The following IQCH variants were observed in gnomAD, a reference collection of about 807,000 sequenced individuals.
IQCH encodes IQ domain-containing protein H.
Under a neutral mutation model 117.0 loss-of-function variants are expected in IQCH, and 98 were observed. The ratio of observed to expected loss-of-function variants is 0.84; its 90% confidence interval spans 0.71 to 0.99. IQCH has a LOEUF of 0.99. IQCH is among the 50% of genes least tolerant of loss of function. IQCH has a pLI of 0.00. For synonymous variants in IQCH, 412 were observed against 448.2 expected (o/e 0.92, Z 1.02); for missense variants, 1,102 against 1,243.8 (o/e 0.89, Z 1.72).
Position 67,400,250 on chromosome 15 carries a change from T to C in IQCH, c.2042T>C (p.Val681Ala). ...IPSYLKCYKWVLKESSRYGLE... is the reference protein window; with the variant it reads ...IPSYLKCYKWALKESSRYGLE... ...TCCTACCTAAAGTGCTACAAATGGG[T>C]GCTAAAGGAGAGTAGCAGATATGGC... The change falls in exon 14 of 21, where the codon GTG (valine) becomes GCG (alanine). Residue 681 changes from valine to alanine, a missense_variant. This residue lies in a region of IQCH where 650 missense variants were observed against 794.3 expected (regional missense o/e 0.82). Transcript: ENST00000335894. 1 of 1,613,686 alleles carries C rather than the reference T, an allele frequency of 6.2e-7. No homozygotes were observed. The highest frequency in any genetic ancestry group is 8.5e-7 in the Non-Finnish European group (1 of 1,179,752).
intron 1 of IQCH, among the ~76,000 whole-genome samples, chr15:67,260,399 T>G (rs1164051974): frequency 6.6e-6 from 1 of 152,212 alleles, no homozygotes. Flanking sequence ...TCCTTTTTCT[T>G]CAGGGATTAT....
At chr15:67,274,394 C>A (rs1260521638) in intron 3 of IQCH, among the ~76,000 whole-genome samples, 1 of 152,150 alleles carries the variant, frequency 6.6e-6, no homozygotes, top group Non-Finnish European at 1.5e-5. Context: ...TCTCAAATAG[C>A]CTGTCCTGAA....
intron 4 of IQCH, among the ~76,000 whole-genome samples, chr15:67,310,683 A>T (rs554741341): frequency 2.0e-5 from 3 of 152,256 alleles, no homozygotes; most frequent in African/African-American, 7.2e-5. Context: ...GCTTGATTTA[A>T]GTTTGGGTTG....
chr15:67,480,305 G>A (rs951509520), intron 18 of IQCH, among the ~76,000 whole-genome samples: 8 of 152,330 alleles, frequency 5.3e-5, no homozygotes, highest in African/African-American at 1.4e-4. Context: ...GCTTTGGCCA[G>A]TGAAATATAA....
intron 3 of IQCH, among the ~76,000 whole-genome samples, chr15:67,263,984 C>T (rs1473998685): frequency 6.6e-6 from 1 of 152,112 alleles, no homozygotes. Context: ...TATATATGCA[C>T]CCAGCATAAA....
rs971070152 is a variant in IQCH at position 67,381,418 on chromosome 15, C to T, written c.1373-3518C>T. On this transcript the variant is annotated intron_variant, in intron 10 of 20. Transcript: ENST00000335894. This position sits in a 1 kb window ranked among gnomAD's most constrained non-coding sequence, Gnocchi z 5.1. ...TCACAACTGCTTATTTGAGAAAAGA[C>T]GGAACTCTCTATCAAACTAGGAATA... is the stretch of plus-strand genomic sequence containing the variant. Among the ~76,000 whole-genome samples the T allele has an allele frequency of 3.3e-5, 5 of 152,090 alleles. No individual in the cohort carries two copies. Among genetic ancestry groups the T allele is most frequent in the East Asian group, 1.9e-4 (1 of 5,186 alleles).
In IQCH at chr15:67,411,626, T is replaced by C. The variant is rs1235933323; in HGVS notation, c.2098-5305T>C. On this transcript the variant is annotated intron_variant, in intron 14 of 20. Coordinates refer to ENST00000335894, the MANE Select transcript of IQCH (RefSeq NM_001031715.3). This position sits in a 1 kb window ranked among gnomAD's most constrained non-coding sequence, Gnocchi z 4.4. ...CACATGACCCAATTACACCAATGTG[T>C]GTCTGTATGTGTGTATGTGTGTGTA... Among the ~76,000 whole-genome samples, 1 of 138,884 alleles carries C rather than the reference T, an allele frequency of 7.2e-6. No individual in the cohort carries two copies. Among genetic ancestry groups the C allele is most frequent in the Admixed American group, 6.9e-5 (1 of 14,592 alleles). The allele number at this position is 138,884 out of a possible 152,430, so 91.1% of individuals were successfully genotyped here. A position where few individuals can be genotyped will look rare whatever the true frequency, so the allele number is the denominator to read the frequency against.
intron 16 of IQCH, among the ~76,000 whole-genome samples, chr15:67,423,587 C>CAA (rs551556730): frequency 1.8e-4 from 14 of 76,736 alleles, no homozygotes; most frequent in East Asian, 1.0e-3. Flanking sequence ...GAACCTGTCT[C>CAA]AAAAAAAAAA....
chr15:67,370,460 C>T lies in IQCH; in HGVS notation c.754-1651C>T, dbSNP rs1280682965. ...AATTCTAATTCCTAGTATCAGAGAC[C>T]GTTCCTGAAGGGAGGGAGCAATGTG... On this transcript the variant is annotated intron_variant, in intron 8 of 20. Coordinates refer to ENST00000335894, the MANE Select transcript of IQCH (RefSeq NM_001031715.3). This position sits in a 1 kb window ranked among gnomAD's most constrained non-coding sequence, Gnocchi z 5.6. 3.9e-5 allele frequency among the ~76,000 whole-genome samples: 6 copies of T among 152,134 alleles called. No individual in the cohort carries two copies. Among genetic ancestry groups the T allele is most frequent in the African/African-American group, 9.7e-5 (4 of 41,416 alleles).
Position 67,390,373 on chromosome 15 carries a change from C to T in IQCH, c.1632+1367C>T, listed in dbSNP as rs1188442161. 6.6e-6 allele frequency among the ~76,000 whole-genome samples: 1 copy of T among 152,124 alleles called. No individual in the cohort carries two copies. Among genetic ancestry groups the T allele is most frequent in the African/African-American group, 2.4e-5 (1 of 41,438 alleles). Reference sequence around the variant, plus strand: ...GCTGCTAACTGCTAGTAAGGAGTTTCTGCACATCTGAAATGCCCATATACA... The same window carrying T: ...GCTGCTAACTGCTAGTAAGGAGTTTTTGCACATCTGAAATGCCCATATACA... On this transcript the variant is annotated intron_variant, in intron 12 of 20. Transcript: ENST00000335894. This position sits in a 1 kb window ranked among gnomAD's most constrained non-coding sequence, Gnocchi z 5.0.
At chr15:67,336,917 G>A in intron 4 of IQCH, 58 bp from the exon 5 acceptor site, 1 of 1,559,900 alleles carries the variant, frequency 6.4e-7, no homozygotes, top group South Asian at 1.1e-5. Flanking sequence ...TTTACAAGAA[G>A]AAAACTGTTC....
In IQCH at chr15:67,285,869, T is replaced by C. The variant is rs181131766; in HGVS notation, c.387+6357T>C. On this transcript the variant is annotated intron_variant, in intron 4 of 20. Coordinates refer to ENST00000335894, the MANE Select transcript of IQCH (RefSeq NM_001031715.3). ...TAGTATAATTTGAAATCAGGTAATG[T>C]GATTCTTCCAGTTTTATCCTCTTTG... Among the ~76,000 whole-genome samples the C allele has an allele frequency of 1.6e-3, 240 of 152,296 alleles. 1 individual carries two copies. The highest frequency in any genetic ancestry group is 1.4e-3 in the Non-Finnish European group (98 of 68,014).
chr15:67,322,036 C>T (rs919990121), intron 4 of IQCH, among the ~76,000 whole-genome samples: 12 of 152,112 alleles, frequency 7.9e-5, no homozygotes, highest in Admixed American at 3.3e-4. Flanking sequence ...ATTGTTCTAC[C>T]AATTACTGAG....
chr15:67,358,904 A>G (rs903141949), intron 7 of IQCH, among the ~76,000 whole-genome samples: 18 of 152,226 alleles, frequency 1.2e-4, no homozygotes, highest in Admixed American at 9.8e-4. Flanking sequence ...TTTCCAAGCT[A>G]TTTATGTAGC....
At chr15:67,280,735 TTAAAAG>T (rs1176685475) in intron 4 of IQCH, among the ~76,000 whole-genome samples, 2 of 152,070 alleles carry the variant, frequency 1.3e-5, no homozygotes, top group African/African-American at 4.8e-5. Flanking sequence ...ATGCCCTGAC[TTAAAAG>T]TAATACTAGC....
chr15:67,341,594 T>G (rs1295742029), intron 5 of IQCH, among the ~76,000 whole-genome samples: 3 of 152,224 alleles, frequency 2.0e-5, no homozygotes, highest in Non-Finnish European at 2.9e-5. Flanking sequence ...TTCTGATTAC[T>G]TCAGGTGACC....
chr15:67,358,207 C>CTTTTTTTTTTTTTTTTTTTTTTTTTT (rs71142373), intron 7 of IQCH, among the ~76,000 whole-genome samples: 253 of 10,454 alleles, frequency 0.024, 114 homozygotes, highest in Non-Finnish European at 0.032. Flanking sequence ...ACTTTCTTTT[C>CTTTTTTTTTTTTTTTTTTTTTTTTTT]TTTTTTTTTT....
chr15:67,440,911 G>C (rs1335080091), intron 16 of IQCH, among the ~76,000 whole-genome samples: 1 of 152,060 alleles, frequency 6.6e-6, no homozygotes, highest in African/African-American at 2.4e-5. Flanking sequence ...AATCGGTAAA[G>C]AGGAAGTCAA....
At chr15:67,429,331 T>C (rs1332472999) in intron 16 of IQCH, among the ~76,000 whole-genome samples, 3 of 152,080 alleles carry the variant, frequency 2.0e-5, no homozygotes, top group South Asian at 2.1e-4. Context: ...ATAGGCAACA[T>C]AGCAAAACCC....
Sources: allele counts gnomAD v4.1 joint callset (sites outside exome capture counted in the v4.1 genomes callset), GRCh38; gene constraint gnomAD v4.1.1; regional missense constraint gnomAD v4.1.1; non-coding constraint Gnocchi (gnomAD v3.1); transcripts MANE v1.5; gene names NCBI Gene and HGNC (gene_info 2026-07-23, HGNC 2026-07-21).